The following HLCS variants were observed in gnomAD, a reference collection of about 807,000 sequenced individuals.
HLCS encodes holocarboxylase synthetase, also known as biotin--protein ligase.
A neutral mutation model predicts 75.0 loss-of-function variants in HLCS; 53 were observed. The observed-to-expected ratio is 0.71, with a 90% CI of 0.57 to 0.89. HLCS has a LOEUF of 0.89. HLCS is among the 40% of genes least tolerant of loss of function. HLCS has a pLI of 0.00. For synonymous variants in HLCS, 431 were observed against 428.6 expected (o/e 1.01, Z -0.07); for missense variants, 966 against 1,074.0 (o/e 0.90, Z 1.41).
chr21:36,827,296 C>T (rs1039131200), intron 6 of HLCS, among the ~76,000 whole-genome samples: 3 of 152,206 alleles, frequency 2.0e-5, no homozygotes, highest in East Asian at 1.9e-4. Context: ...AGGCCGGGCA[C>T]GGTGGCTCAC....
At chr21:36,807,476 C>G (rs1374623043) in intron 6 of HLCS, among the ~76,000 whole-genome samples, 1 of 152,212 alleles carries the variant, frequency 6.6e-6, no homozygotes, top group African/African-American at 2.4e-5. Flanking sequence ...TTAGGCACAG[C>G]TGCTCAGAAC....
intron 2 of HLCS, among the ~76,000 whole-genome samples, chr21:36,950,584 C>T (rs1171771457): frequency 2.0e-5 from 3 of 152,034 alleles, no homozygotes; most frequent in Admixed American, 6.6e-5. Context: ...ATCCTCCCAC[C>T]TCAGCCTCCC....
At chr21:36,791,704 G>A (rs966356806) in intron 6 of HLCS, among the ~76,000 whole-genome samples, 2 of 152,126 alleles carry the variant, frequency 1.3e-5, no homozygotes, top group Admixed American at 6.5e-5. Context: ...GAGCACCCTC[G>A]AGGGTGGGCC....
Position 36,765,045 on chromosome 21 carries a change from G to T in HLCS, c.2088C>A (p.Val696=). Residue 696 remains valine, a synonymous_variant, in exon 8 of 11, where the codon GTC becomes GTA. Transcript: ENST00000674895. Reference sequence around the variant, plus strand: ...CGGGAATGGACCTCACTGCTTCCACGACAGCCACGGACATCAGATGCTGGA... The same window carrying T: ...CGGGAATGGACCTCACTGCTTCCACTACAGCCACGGACATCAGATGCTGGA... The part of the protein sequence containing the change: ...PFVQHLMSVA[V]VEAVRSIPEY... 6.2e-7 allele frequency: 1 copy of T among 1,614,170 alleles called. No individual in the cohort carries two copies. The highest frequency in any genetic ancestry group is 1.3e-5 in the African/African-American group (1 of 75,030).
intron 5 of HLCS, among the ~76,000 whole-genome samples, chr21:36,900,803 C>T (rs2065206852): frequency 6.6e-6 from 1 of 152,126 alleles, no homozygotes; most frequent in African/African-American, 2.4e-5. Context: ...CAAGTCATAT[C>T]TGAGATGTTA....
intron 6 of HLCS, among the ~76,000 whole-genome samples, chr21:36,829,503 G>T (rs1176368536): frequency 6.6e-6 from 1 of 151,848 alleles, no homozygotes; most frequent in African/African-American, 2.4e-5. Context: ...TAATATACAG[G>T]TATTACTATA....
chr21:36,864,112 T>C (rs1348423470), intron 6 of HLCS, among the ~76,000 whole-genome samples: 1 of 152,164 alleles, frequency 6.6e-6, no homozygotes, highest in African/African-American at 2.4e-5. Context: ...CTAAAGTGCA[T>C]GAACAGGCTG....
intron 6 of HLCS, among the ~76,000 whole-genome samples, chr21:36,779,925 G>A (rs1436177067): frequency 6.6e-6 from 1 of 151,780 alleles, no homozygotes; most frequent in Non-Finnish European, 1.5e-5. Flanking sequence ...TTCTACCTAG[G>A]TCTCCCACTC....
chr21:36,857,703 C>T (rs1236591816), intron 6 of HLCS, among the ~76,000 whole-genome samples: 3 of 152,170 alleles, frequency 2.0e-5, no homozygotes, highest in Admixed American at 2.0e-4. Flanking sequence ...AAGCTCCCCT[C>T]AACAAAGCAG....
chr21:36,783,921 C>T (rs1258583943), intron 6 of HLCS, among the ~76,000 whole-genome samples: 1 of 152,174 alleles, frequency 6.6e-6, no homozygotes, highest in Non-Finnish European at 1.5e-5. Context: ...GCCAACATGG[C>T]ACCATCTTTC....
chr21:36,878,180 C>T (rs1320872038), intron 6 of HLCS, among the ~76,000 whole-genome samples: 4 of 152,086 alleles, frequency 2.6e-5, no homozygotes, highest in Non-Finnish European at 5.9e-5. Context: ...TTTTCCATCT[C>T]TCCTACACAT....
chr21:36,858,469 T>C (rs947559920), intron 6 of HLCS, among the ~76,000 whole-genome samples: 2 of 152,186 alleles, frequency 1.3e-5, no homozygotes, highest in African/African-American at 2.4e-5. Context: ...GGGGAAACGA[T>C]TGAAACAGCA....
rs924912087 is a variant in HLCS, at chr21:36,753,486, G to C, written c.*760C>G. The C allele has an allele frequency of 6.6e-6, 1 of 152,260 alleles. No individual in the cohort carries two copies. Among genetic ancestry groups the C allele is most frequent in the Admixed American group, 6.5e-5 (1 of 15,284 alleles). 9.4% of individuals were successfully genotyped at this position (152,260 alleles called of 1,614,324 possible). ...GCCTAATCAGACATTTAAGGATTCT[G>C]AACTTGATCCTGTCTCTTCACAATA... On this transcript the variant is annotated 3_prime_UTR_variant, in exon 11 of 11. Coordinates refer to ENST00000674895, the MANE Select transcript of HLCS (RefSeq NM_001352514.2). The surrounding 1 kb of genome is among the most constrained non-coding windows in gnomAD (Gnocchi z 4.3).
intron 4 of HLCS, among the ~76,000 whole-genome samples, chr21:36,934,566 C>A (rs993355418): frequency 6.6e-6 from 1 of 152,224 alleles, no homozygotes; most frequent in Non-Finnish European, 1.5e-5. Flanking sequence ...GTTTTCCCTG[C>A]AAACTTGATC....
intron 4 of HLCS, 55 bp downstream of exon 4, chr21:36,936,394 C>G (rs146405984): frequency 6.8e-7 from 1 of 1,459,928 alleles, no homozygotes; most frequent in South Asian, 1.1e-5. Context: ...CATATTCCCT[C>G]GCAAAAATAC....
Position 36,756,750 on chromosome 21 carries a change from C to G in HLCS, c.2242G>C (p.Gly748Arg), listed in dbSNP as rs1384444344. ...GETFYILIGCGFNVTNSNPTI... is the reference protein window; with the variant it reads ...GETFYILIGCRFNVTNSNPTI... The stretch of plus-strand genomic sequence containing the variant: ...GGGTTACTGTTAGTCACATTAAATC[C>G]ACAGCCTGGACAAAAACAAACAATT... The change falls in exon 10 of 11, where the codon GGA becomes CGA. Residue 748 changes from glycine to arginine, a missense_variant. Transcript: ENST00000674895. The G allele has an allele frequency of 2.5e-6, 4 of 1,613,956 alleles. No individual in the cohort carries two copies. In the African/African-American group the frequency reaches 5.3e-5, roughly 22 times the overall value.
intron 6 of HLCS, among the ~76,000 whole-genome samples, chr21:36,807,304 C>T (rs999333047): frequency 4.6e-5 from 7 of 151,998 alleles, no homozygotes; most frequent in Non-Finnish European, 8.8e-5. Flanking sequence ...TCTCCCAAGG[C>T]GAGCCTCCTG....
chr21:36,914,921 G>C (rs2146418017), intron 5 of HLCS, among the ~76,000 whole-genome samples: 1 of 152,390 alleles, frequency 6.6e-6, no homozygotes, highest in East Asian at 1.9e-4. Flanking sequence ...AGAGCAGGCA[G>C]CGTGGGGGTG....
At chr21:36,895,449 T>C (rs1318826038) in intron 6 of HLCS, among the ~76,000 whole-genome samples, 2 of 152,122 alleles carry the variant, frequency 1.3e-5, no homozygotes, top group Admixed American at 1.3e-4. Flanking sequence ...TAAGAAGCGC[T>C]GAAAAATGAA....
Sources: allele counts gnomAD v4.1 joint callset (sites outside exome capture counted in the v4.1 genomes callset), GRCh38; gene constraint gnomAD v4.1.1; non-coding constraint Gnocchi (gnomAD v3.1); transcripts MANE v1.5; gene names NCBI Gene and HGNC (gene_info 2026-07-23, HGNC 2026-07-21).